The following SNTG1 variants were observed in gnomAD, a reference collection of about 807,000 sequenced individuals.
SNTG1 encodes the protein gamma-1-syntrophin.
A neutral mutation model predicts 74.7 loss-of-function variants in SNTG1; 39 were observed. The observed-to-expected ratio is 0.52, with a 90% CI of 0.40 to 0.68. The LOEUF is 0.68. Ranked by LOEUF, SNTG1 falls within the 30% of genes least tolerant of loss-of-function variation. SNTG1 has a pLI of 0.00. For missense variants in SNTG1, 685 were observed against 609.5 expected (o/e 1.12, Z -1.30); for synonymous variants, 254 against 217.1 (o/e 1.17, Z -1.49).
At chr8:50,318,978 T>G (rs1339912347) in intron 2 of SNTG1, among the ~76,000 whole-genome samples, 1 of 151,832 alleles carries the variant, frequency 6.6e-6, no homozygotes, top group Non-Finnish European at 1.5e-5. Flanking sequence ...TTTATATATA[T>G]ATGTATGTAT....
intron 15 of SNTG1, among the ~76,000 whole-genome samples, chr8:50,667,150 A>T (rs1294413327): frequency 6.6e-6 from 1 of 152,110 alleles, no homozygotes. Flanking sequence ...GTATATCGAT[A>T]TCATTATTAG....
At chr8:50,431,320 T>C (rs529568922) in intron 4 of SNTG1, among the ~76,000 whole-genome samples, 2 of 152,300 alleles carry the variant, frequency 1.3e-5, no homozygotes, top group African/African-American at 2.4e-5. Context: ...ATAGGAGATA[T>C]TGATAACATG....
chr8:50,744,055 C>T (rs1421200415), intron 17 of SNTG1, among the ~76,000 whole-genome samples: 1 of 151,916 alleles, frequency 6.6e-6, no homozygotes, highest in Non-Finnish European at 1.5e-5. Context: ...AAGGGGATGG[C>T]CCAAGCCATT....
intron 13 of SNTG1, among the ~76,000 whole-genome samples, chr8:50,592,554 G>T (rs2094698692): frequency 6.6e-6 from 1 of 152,088 alleles, no homozygotes. Context: ...ATAGTATTAA[G>T]TAAAATAAGT....
chr8:50,431,011 G>T (rs2131524352), intron 4 of SNTG1, among the ~76,000 whole-genome samples: 1 of 152,228 alleles, frequency 6.6e-6, no homozygotes, highest in East Asian at 1.9e-4. Context: ...ACAGATGCTT[G>T]TGCCTTACTT....
chr8:50,751,386 A>G (rs1445455816), intron 17 of SNTG1, among the ~76,000 whole-genome samples: 1 of 152,042 alleles, frequency 6.6e-6, no homozygotes, highest in African/African-American at 2.4e-5. Flanking sequence ...ACTTATTGCC[A>G]ATTTCACCTT....
chr8:50,070,713 C>A (rs1031746024), intron 1 of SNTG1, among the ~76,000 whole-genome samples: 2 of 152,206 alleles, frequency 1.3e-5, no homozygotes, highest in South Asian at 4.1e-4. Flanking sequence ...TGCTGCATAA[C>A]ACAGTACCCA....
intron 8 of SNTG1, among the ~76,000 whole-genome samples, chr8:50,471,329 C>T (rs559565055): frequency 4.0e-5 from 6 of 151,550 alleles, no homozygotes; most frequent in Non-Finnish European, 7.4e-5. Context: ...AATACCTTTG[C>T]GATATACTTA....
chr8:50,275,243 G>A (rs993055986), intron 2 of SNTG1, among the ~76,000 whole-genome samples: 3 of 152,070 alleles, frequency 2.0e-5, no homozygotes, highest in African/African-American at 7.2e-5. Flanking sequence ...CACTCTAATA[G>A]TGTTTGTCTT....
intron 2 of SNTG1, among the ~76,000 whole-genome samples, chr8:50,310,584 A>C (rs1014962498): frequency 2.6e-5 from 4 of 152,172 alleles, no homozygotes; most frequent in African/African-American, 9.7e-5. Context: ...GCCACTCGGG[A>C]GGCTGAGGCA....
At chr8:50,040,376 T>C (rs1485035078) in intron 1 of SNTG1, among the ~76,000 whole-genome samples, 1 of 152,218 alleles carries the variant, frequency 6.6e-6, no homozygotes, top group Non-Finnish European at 1.5e-5. Context: ...CGTGCTTATT[T>C]TTTCTATCTC....
chr8:50,505,082 C>A (rs1309834297), intron 9 of SNTG1, among the ~76,000 whole-genome samples: 1 of 152,092 alleles, frequency 6.6e-6, no homozygotes, highest in African/African-American at 2.4e-5. Flanking sequence ...TTGGAATAAT[C>A]CAGTATTTTC....
At chr8:49,944,895 C>A (rs186669577) in intron 1 of SNTG1, among the ~76,000 whole-genome samples, 17 of 152,070 alleles carry the variant, frequency 1.1e-4, no homozygotes, top group Non-Finnish European at 2.1e-4. Flanking sequence ...TCAAGCGATT[C>A]TCTTGCCTCA....
chr8:50,076,028 A>G (rs1487485930), intron 1 of SNTG1, among the ~76,000 whole-genome samples: 6 of 152,338 alleles, frequency 3.9e-5, no homozygotes, highest in Non-Finnish European at 7.3e-5. Context: ...ATAACAGATC[A>G]TACAAGGTGC....
chr8:50,463,916 T>C (rs1382640196), intron 8 of SNTG1, among the ~76,000 whole-genome samples: 2 of 152,240 alleles, frequency 1.3e-5, no homozygotes, highest in African/African-American at 2.4e-5. Flanking sequence ...TCATCATTTA[T>C]CTTCACTAGA....
intron 2 of SNTG1, among the ~76,000 whole-genome samples, chr8:50,365,565 G>A (rs1283176694): frequency 6.6e-6 from 1 of 151,962 alleles, no homozygotes; most frequent in Non-Finnish European, 1.5e-5. Context: ...TAAAATCAAA[G>A]ATTTTTTTTA....
chr8:50,482,302 G>T (rs1198896122), intron 8 of SNTG1, among the ~76,000 whole-genome samples: 8 of 152,198 alleles, frequency 5.3e-5, no homozygotes, highest in Non-Finnish European at 7.3e-5. Context: ...ACTGAGGCAG[G>T]TAGGGTGAGA....
chr8:50,501,303 A>T (rs2093950268), intron 8 of SNTG1, among the ~76,000 whole-genome samples: 1 of 150,052 alleles, frequency 6.7e-6, no homozygotes, highest in Non-Finnish European at 1.5e-5. Flanking sequence ...CTGGCCTGAG[A>T]CCCCAATCAG....
intron 1 of SNTG1, among the ~76,000 whole-genome samples, chr8:50,089,180 G>A (rs1392606527): frequency 6.6e-6 from 1 of 151,834 alleles, no homozygotes; most frequent in Non-Finnish European, 1.5e-5. Context: ...TAATAAATGG[G>A]GCTGGGAAAA....
Sources: gnomAD v4.1 joint callset for allele counts (sites outside exome capture counted in the v4.1 genomes callset) on GRCh38, gnomAD v4.1.1 for gene constraint, MANE v1.5 for transcripts, NCBI Gene and HGNC (gene_info 2026-07-23, HGNC 2026-07-21) for gene names.